TRUB1: variants seen among roughly 807,000 people sequenced by gnomAD.
TRUB1 encodes pseudouridylate synthase TRUB1.
In TRUB1, 23 loss-of-function variants were observed where a neutral mutation model predicts 33.9. The observed-to-expected ratio is 0.68, with a 90% confidence interval of 0.49 to 0.96. TRUB1 has a LOEUF of 0.96. TRUB1 is among the 40% of genes least tolerant of loss of function. TRUB1 has a pLI of 0.00. For missense variants in TRUB1, 378 were observed against 422.2 expected, an observed-to-expected ratio of 0.90 and a Z score of 0.92; for synonymous variants, 163 against 165.4, an observed-to-expected ratio of 0.99 and a Z score of 0.11.
At chr10:114,945,390 C>T (rs1241283378) in intron 2 of TRUB1, among the ~76,000 whole-genome samples, 2 of 152,216 alleles carry the variant, frequency 1.3e-5, no homozygotes, top group South Asian at 2.1e-4. Flanking sequence ...TCTAACCCTT[C>T]TGCTTTACTG....
At chr10:114,962,781 CTT>C (rs942086864) in intron 4 of TRUB1, among the ~76,000 whole-genome samples, 1 of 152,128 alleles carries the variant, frequency 6.6e-6, no homozygotes, top group African/African-American at 2.4e-5. Flanking sequence ...AACCATGTCT[CTT>C]TTGGTCCTCA....
chr10:114,943,497 T>TA (rs1196496617), intron 2 of TRUB1, among the ~76,000 whole-genome samples: 1 of 152,080 alleles, frequency 6.6e-6, no homozygotes, highest in Admixed American at 6.6e-5. Flanking sequence ...ACCACTGCAC[T>TA]CCAGCCTGGG....
In TRUB1 at chr10:114,941,568, TC is replaced by T. The variant is rs150765796; in HGVS notation, c.287-1075del. ...GTGTTGCCTAGGGTGGTCTCAAACT[TC>T]CAGGTTCAAGTGATCCACCCATCTC... On this transcript the variant is annotated intron_variant, in intron 1 of 7. Coordinates refer to ENST00000298746, the MANE Select transcript of TRUB1 (RefSeq NM_139169.5). Among the ~76,000 whole-genome samples the T allele has an allele frequency of 7.4e-3, 1,124 of 152,074 alleles. 15 individuals carry two copies. Among genetic ancestry groups the T allele is most frequent in the African/African-American group, 0.026 (1,066 of 41,464 alleles).
chr10:114,971,459 C>T (rs546953471), intron 5 of TRUB1, among the ~76,000 whole-genome samples: 12 of 151,812 alleles, frequency 7.9e-5, no homozygotes, highest in East Asian at 5.8e-4. Context: ...TTTTCAGGAA[C>T]ATTGAAATAT....
At chr10:114,959,342 A>G (rs2084275239) in intron 3 of TRUB1, among the ~76,000 whole-genome samples, 1 of 152,234 alleles carries the variant, frequency 6.6e-6, no homozygotes, top group African/African-American at 2.4e-5. Flanking sequence ...ATTGAATCTT[A>G]TGATGACCAT....
In TRUB1 at chr10:114,963,857, C is replaced by A. The variant is rs568645520; in HGVS notation, c.523+4050C>A. ...TGAATATACTACACACATACTCTCC[C>A]AGTTTGGGGCTTTGTGAATAAAGTG... is the stretch of plus-strand genomic sequence containing the variant. On this transcript the variant is annotated intron_variant, in intron 4 of 7. Transcript: ENST00000298746. 3.5e-4 allele frequency among the ~76,000 whole-genome samples: 54 copies of A among 152,188 alleles called. 1 individual carries two copies. The highest frequency in any genetic ancestry group is 1.2e-3 in the African/African-American group (48 of 41,506).
At position 114,938,498 on chromosome 10, in the gene TRUB1, C is replaced by G; in HGVS notation, c.245C>G (p.Ser82Ter). 2.5e-6 allele frequency: 4 copies of G among 1,569,328 alleles called. No individual in the cohort carries two copies. Among genetic ancestry groups the G allele is most frequent in the Non-Finnish European group, 3.4e-6 (4 of 1,160,972 alleles). The change falls in exon 1 of 8, where the codon TCA (serine) becomes TGA (stop). Residue 82 changes from serine (S) to a stop codon, truncating the protein, a stop_gained. Coordinates refer to ENST00000298746, the MANE Select transcript of TRUB1 (RefSeq NM_139169.5). LOFTEE classifies it high-confidence loss of function. ...FAVHKPKGPTSAELLNRLKEK... is the reference protein window; with the variant it reads ...FAVHKPKGPT The stretch of plus-strand genomic sequence containing the variant: ...GTGCACAAGCCCAAAGGGCCCACTT[C>G]AGCCGAGCTGCTGAATCGGTTGAAG...
Position 114,938,410 on chromosome 10 carries a change from G to C in TRUB1, c.157G>C (p.Glu53Gln). Residue 53 changes from glutamate to glutamine, a missense_variant, in exon 1 of 8, where the codon GAA (glutamate) becomes CAA (glutamine). Coordinates refer to ENST00000298746, the MANE Select transcript of TRUB1 (RefSeq NM_139169.5). The part of the protein sequence containing the change: ...VVAAAARTGS[E>Q]ARVSKAALAT... Reference sequence around the variant, plus strand: ...TGCGGCCGCGGCCAGGACCGGATCCGAAGCCAGGGTCTCCAAGGCCGCTTT... The same window carrying C: ...TGCGGCCGCGGCCAGGACCGGATCCCAAGCCAGGGTCTCCAAGGCCGCTTT... 4 of 1,601,742 alleles carry C rather than the reference G, an allele frequency of 2.5e-6. No individual in the cohort carries two copies. The highest frequency in any genetic ancestry group is 3.4e-6 in the Non-Finnish European group (4 of 1,173,990).
chr10:114,972,357 T>A (rs1381568158), intron 6 of TRUB1, 83 bp downstream of exon 6: 3 of 1,406,762 alleles, frequency 2.1e-6, no homozygotes, highest in Non-Finnish European at 1.9e-6. Context: ...TTTTAATAGA[T>A]CCGTAGGATG....
intron 3 of TRUB1, among the ~76,000 whole-genome samples, chr10:114,953,256 T>C (rs1463693196): frequency 6.6e-6 from 1 of 152,228 alleles, no homozygotes; most frequent in Non-Finnish European, 1.5e-5. Flanking sequence ...AAATCACTGA[T>C]CCTCAAAATG....
chr10:114,941,050 G>C lies in TRUB1; in HGVS notation c.287-1595G>C, dbSNP rs77500046. ...TTAATCTGGCTTCTGCATTTCCACT[G>C]TTGCTTTGTTTTCCCTCCTCCCTTC... On this transcript the variant is annotated intron_variant, in intron 1 of 7. Transcript: ENST00000298746. Among the ~76,000 whole-genome samples, 919 of 152,208 alleles carry C rather than the reference G, an allele frequency of 6.0e-3. 10 individuals are homozygous for C. The highest frequency in any genetic ancestry group is 0.021 in the African/African-American group (884 of 41,528).
At chr10:114,947,850 GTTTT>G (rs1274991523) in intron 2 of TRUB1, among the ~76,000 whole-genome samples, 2 of 152,074 alleles carry the variant, frequency 1.3e-5, no homozygotes, top group African/African-American at 4.8e-5. Context: ...CTTTTTGTTT[GTTTT>G]GTTTTTAGTT....
At chr10:114,943,261 C>T (rs2084196457) in intron 2 of TRUB1, among the ~76,000 whole-genome samples, 1 of 152,088 alleles carries the variant, frequency 6.6e-6, no homozygotes, top group African/African-American at 2.4e-5. Context: ...GGGCCGGGTG[C>T]AGTGGCTCAT....
At chr10:114,948,026 T>C (rs1028954973) in intron 2 of TRUB1, among the ~76,000 whole-genome samples, 3 of 152,202 alleles carry the variant, frequency 2.0e-5, no homozygotes, top group Admixed American at 2.0e-4. Flanking sequence ...ACAAATTCTA[T>C]CTTTTTGATT....
At chr10:114,950,823 T>A (rs1296678931) in intron 2 of TRUB1, among the ~76,000 whole-genome samples, 2 of 152,230 alleles carry the variant, frequency 1.3e-5, no homozygotes, top group Admixed American at 6.5e-5. Context: ...TTCTAAGGCT[T>A]CATTGTCTAA....
chr10:114,948,373 A>T (rs941781740), intron 2 of TRUB1, among the ~76,000 whole-genome samples: 101 of 152,306 alleles, frequency 6.6e-4, no homozygotes, highest in African/African-American at 2.3e-3. Context: ...TATACTGCTA[A>T]TGTAAAATTT....
At chr10:114,954,098 G>A (rs574458045) in intron 3 of TRUB1, among the ~76,000 whole-genome samples, 1 of 149,026 alleles carries the variant, frequency 6.7e-6, no homozygotes, top group South Asian at 2.1e-4. Flanking sequence ...CCCCTAACTT[G>A]GCCCAGATCT....
chr10:114,949,848 T>C (rs2084226364), intron 2 of TRUB1, among the ~76,000 whole-genome samples: 1 of 152,116 alleles, frequency 6.6e-6, no homozygotes, highest in Non-Finnish European at 1.5e-5. Context: ...TAGTCTCTTA[T>C]TCCTGTTTCC....
intron 2 of TRUB1, among the ~76,000 whole-genome samples, chr10:114,943,615 G>A (rs143558653): frequency 8.3e-4 from 126 of 152,320 alleles, no homozygotes; most frequent in Non-Finnish European, 1.2e-3. Flanking sequence ...ATGTGTTACC[G>A]CTTTTTTTGT....
Sources: allele counts gnomAD v4.1 joint callset (sites outside exome capture counted in the v4.1 genomes callset), GRCh38; gene constraint gnomAD v4.1.1; transcripts MANE v1.5; gene names NCBI Gene and HGNC (gene_info 2026-07-23, HGNC 2026-07-21).